The following TIAM1 variants were observed in gnomAD, a reference collection of about 807,000 sequenced individuals.
The protein encoded by TIAM1 is rho guanine nucleotide exchange factor TIAM1.
Under a neutral mutation model 163.5 loss-of-function variants are expected in TIAM1, and 65 were observed. The ratio of observed to expected loss-of-function variants is 0.40; its 90% CI spans 0.33 to 0.49. The LOEUF (loss-of-function observed/expected upper bound fraction) is 0.49. TIAM1 is among the 20% of genes least tolerant of loss of function. The probability of loss-of-function intolerance (pLI) is 0.77; values close to 1 mark genes in which losing one functional copy is unlikely to be tolerated. For missense variants in TIAM1, 1,789 were observed against 2,044.7 expected, an observed-to-expected ratio of 0.87 and a Z score of 2.41; for synonymous variants, 833 against 810.1, an observed-to-expected ratio of 1.03 and a Z score of -0.48.
chr21:31,467,911 C>T (rs956745489), intron 1 of TIAM1, among the ~76,000 whole-genome samples: 3 of 151,402 alleles, frequency 2.0e-5, no homozygotes, highest in Admixed American at 1.3e-4. Context: ...CATGGTGAAA[C>T]CCTGTCTATG....
At chr21:31,523,569 G>A (rs904756813) in intron 1 of TIAM1, among the ~76,000 whole-genome samples, 2 of 152,164 alleles carry the variant, frequency 1.3e-5, no homozygotes, top group Non-Finnish European at 2.9e-5. Flanking sequence ...CTAATTGTGT[G>A]ACTGTGGGCA....
rs1568931739 is a variant in TIAM1, at chr21:31,154,379, G to A, written c.3039C>T (p.Asn1013=). The A allele has an allele frequency of 7.4e-6, 12 of 1,614,096 alleles. No individual in the cohort carries two copies. The highest frequency in any genetic ancestry group is 1.0e-5 in the Non-Finnish European group (12 of 1,180,010). Residue 1013 remains asparagine, a synonymous_variant, in exon 17 of 28, where the codon AAC becomes AAT. Transcript: ENST00000541036. ...GAGGAGATGGGCTCTGGTCAGAGGG[G>A]TTCATCTCATGCAAACTGCGGCAAA... ...AAFCRSLHEM[N]PSDQSPSPQD...
chr21:31,273,033 A>G (rs991046840), intron 3 of TIAM1, among the ~76,000 whole-genome samples: 1 of 152,242 alleles, frequency 6.6e-6, no homozygotes, highest in African/African-American at 2.4e-5. Context: ...TGCCCCAGCT[A>G]ATGACAACTA....
chr21:31,305,424 A>AT (rs2074668664), intron 2 of TIAM1, among the ~76,000 whole-genome samples: 1 of 64,680 alleles, frequency 1.5e-5, no homozygotes, highest in African/African-American at 5.8e-5. Flanking sequence ...AATAAAAATA[A>AT]AAAAAAAAAA....
chr21:31,229,692 C>T (rs1342392265), intron 6 of TIAM1, among the ~76,000 whole-genome samples: 3 of 151,890 alleles, frequency 2.0e-5, no homozygotes, highest in African/African-American at 7.3e-5. Flanking sequence ...CTCTGTTGCC[C>T]AGGCTGGAGT....
At chr21:31,273,982 C>T (rs181989377) in intron 3 of TIAM1, among the ~76,000 whole-genome samples, 10 of 152,170 alleles carry the variant, frequency 6.6e-5, no homozygotes, top group Admixed American at 2.6e-4. Flanking sequence ...TCTGGGGGGC[C>T]GAGGTAGTTG....
chr21:31,153,120 A>G lies in TIAM1; in HGVS notation c.3186T>C (p.Leu1062=). Reference sequence around the variant, plus strand: ...GAAGAGGCTTTAGGTATCTCTCCATAAGACAGTTTAAATCCTAAGAATTGA... The same window carrying G: ...GAAGAGGCTTTAGGTATCTCTCCATGAGACAGTTTAAATCCTAAGAATTGA... ...ERTYVKDLNC[L]MERYLKPLQK... The change falls in exon 18 of 28, where the codon CTT becomes CTC. Residue 1062 remains leucine (L), a synonymous_variant. Transcript: ENST00000541036. The G allele has an allele frequency of 6.2e-7, 1 of 1,612,158 alleles. No homozygotes were observed. Among genetic ancestry groups the G allele is most frequent in the Non-Finnish European group, 8.5e-7 (1 of 1,179,444 alleles).
At chr21:31,207,312 G>C (rs1157223052) in intron 11 of TIAM1, among the ~76,000 whole-genome samples, 1 of 152,214 alleles carries the variant, frequency 6.6e-6, no homozygotes, top group Admixed American at 6.5e-5. Flanking sequence ...TCAGATGGCA[G>C]ATGGCAAACT....
intron 2 of TIAM1, among the ~76,000 whole-genome samples, chr21:31,443,412 G>C (rs550384460): frequency 2.0e-4 from 31 of 152,332 alleles, no homozygotes; most frequent in Non-Finnish European, 3.8e-4. Flanking sequence ...TATGTCAGTG[G>C]TTTAATTCTT....
intron 2 of TIAM1, among the ~76,000 whole-genome samples, chr21:31,424,446 A>T (rs1458808932): frequency 1.3e-5 from 2 of 152,180 alleles, no homozygotes; most frequent in East Asian, 3.9e-4. Context: ...GTTCCATGGA[A>T]TATTATTCAG....
intron 6 of TIAM1, among the ~76,000 whole-genome samples, chr21:31,236,065 T>A (rs1160357548): frequency 6.6e-6 from 1 of 152,212 alleles, no homozygotes; most frequent in Non-Finnish European, 1.5e-5. Flanking sequence ...TCAGGAGGTT[T>A]CTCCCCTTCA....
intron 1 of TIAM1, among the ~76,000 whole-genome samples, chr21:31,500,975 C>T (rs768767316): frequency 6.6e-6 from 1 of 152,342 alleles, no homozygotes; most frequent in Non-Finnish European, 1.5e-5. Flanking sequence ...GAAAACAGGA[C>T]ACTTTTACAA....
intron 1 of TIAM1, among the ~76,000 whole-genome samples, chr21:31,475,025 T>TTTATTATTATTA (rs550390061): frequency 0.075 from 8,931 of 118,410 alleles, 386 homozygotes; most frequent in East Asian, 0.19. Flanking sequence ...GAGCTAGTTT[T>TTTATTATTATTA]TTATTATTAT....
intron 2 of TIAM1, among the ~76,000 whole-genome samples, chr21:31,423,272 G>A (rs886897890): frequency 6.6e-6 from 1 of 151,568 alleles, no homozygotes; most frequent in African/African-American, 2.4e-5. Context: ...CTAATTTTTT[G>A]TATTTTTAGT....
intron 1 of TIAM1, among the ~76,000 whole-genome samples, chr21:31,558,279 G>A (rs1343737454): frequency 6.6e-6 from 1 of 152,158 alleles, no homozygotes; most frequent in Non-Finnish European, 1.5e-5. Context: ...CGACCGCCCG[G>A]ATGAGGCATT....
intron 2 of TIAM1, among the ~76,000 whole-genome samples, chr21:31,371,663 T>C (rs1199261481): frequency 6.6e-6 from 1 of 152,226 alleles, no homozygotes; most frequent in Non-Finnish European, 1.5e-5. Context: ...TCCTGTTTAA[T>C]GGACCACTCT....
rs1482322801 is a variant in TIAM1 at position 31,124,637 on chromosome 21, C to T, written c.4191G>A (p.Lys1397=). Residue 1397 remains lysine (K), a synonymous_variant, in exon 27 of 28, where the codon AAG becomes AAA. Coordinates refer to ENST00000541036, the MANE Select transcript of TIAM1 (RefSeq NM_001353694.2). ...LKAVHSILRD[K]HRRQLLKTES... ...CGGTTTTGAGGAGCTGTCTTCTGTG[C>T]TTATCACGCAGGATTGAATGCACAG... is the stretch of plus-strand genomic sequence containing the variant. The T allele has an allele frequency of 9.9e-6, 16 of 1,613,230 alleles. No individual in the cohort carries two copies. The highest frequency in any genetic ancestry group is 1.3e-5 in the Non-Finnish European group (15 of 1,179,554).
At chr21:31,183,696 A>ATTT (rs537476967) in intron 14 of TIAM1, among the ~76,000 whole-genome samples, 2 of 140,758 alleles carry the variant, frequency 1.4e-5, no homozygotes, top group Non-Finnish European at 1.6e-5. Context: ...ATCTGAAATC[A>ATTT]TTTTTTTTTT....
chr21:31,152,117 C>G (rs973448506), intron 19 of TIAM1, among the ~76,000 whole-genome samples: 1 of 147,440 alleles, frequency 6.8e-6, no homozygotes, highest in African/African-American at 2.5e-5. Context: ...ACTGCAACCT[C>G]TGCATCTCAG....
Sources: gnomAD v4.1 joint callset for allele counts (sites outside exome capture counted in the v4.1 genomes callset) on GRCh38, gnomAD v4.1.1 for gene constraint, MANE v1.5 for transcripts, NCBI Gene and HGNC (gene_info 2026-07-23, HGNC 2026-07-21) for gene names.